Variants in DKK4 observed in about 807,000 individuals in gnomAD.
The protein encoded by DKK4 is dickkopf Wnt signaling pathway inhibitor 4, also known as dickkopf-related protein 4.
Under a neutral mutation model 14.5 loss-of-function variants are expected in DKK4, and 15 were observed. That is an observed-to-expected ratio of 1.03 (90% confidence interval 0.69 to 1.59). DKK4 has a LOEUF of 1.59. Among genes scored for constraint, DKK4 ranks in the 40% most tolerant of loss-of-function variants. DKK4 has a pLI of 0.00. For synonymous variants in DKK4, 89 were observed against 105.2 expected (o/e 0.85, Z 0.94); for missense variants, 272 against 280.3 (o/e 0.97, Z 0.21).
At chr8:42,379,927 G>A (rs1452185602), upstream of DKK4, among the ~76,000 whole-genome samples, 6 of 152,278 alleles carry the variant, frequency 3.9e-5, no homozygotes, top group East Asian at 3.9e-4. Flanking sequence ...GCCATGATCC[G>A]CTGGGTGCAG....
chr8:42,381,565 T>C (rs1172207780), upstream of DKK4, among the ~76,000 whole-genome samples: 1 of 152,112 alleles, frequency 6.6e-6, no homozygotes, highest in Non-Finnish European at 1.5e-5. Flanking sequence ...TGACAGAATG[T>C]GGGCTTTGGG....
At chr8:42,375,245 A>G (rs771113820) in intron 2 of DKK4, among the ~76,000 whole-genome samples, 85 of 152,348 alleles carry the variant, frequency 5.6e-4, no homozygotes, top group Admixed American at 4.6e-3. Flanking sequence ...ATTTTGTTTC[A>G]TTAAGAAAAG....
At chr8:42,382,225 T>C (rs1055306083), upstream of DKK4, among the ~76,000 whole-genome samples, 6 of 152,280 alleles carry the variant, frequency 3.9e-5, no homozygotes, top group African/African-American at 1.4e-4. Flanking sequence ...TGGAGGAAAG[T>C]AGGTATGTGA....
At chr8:42,387,399 C>A in the DKK4 span, among the ~76,000 whole-genome samples, 1 of 130,510 alleles carries the variant, frequency 7.7e-6, no homozygotes, top group Non-Finnish European at 1.6e-5. Context: ...CTCTTGTTGC[C>A]CAGGCTGGAG....
intron 3 of DKK4, among the ~76,000 whole-genome samples, chr8:42,374,560 C>T (rs986437096): frequency 6.6e-6 from 1 of 152,154 alleles, no homozygotes; most frequent in African/African-American, 2.4e-5. Flanking sequence ...CAGAATTGAT[C>T]GTTGTTACTG....
chr8:42,374,486 G>A, intron 3 of DKK4, 127 bp from the exon 4 acceptor site: 3 of 1,285,440 alleles, frequency 2.3e-6, no homozygotes, highest in South Asian at 1.3e-5. Flanking sequence ...ACAGCACGCA[G>A]GTCTCACAGA....
At chr8:42,378,591 G>A (rs186893854), upstream of DKK4, among the ~76,000 whole-genome samples, 21 of 152,186 alleles carry the variant, frequency 1.4e-4, no homozygotes, top group East Asian at 3.5e-3. Flanking sequence ...GTACAATTAT[G>A]ACCAAGGATA....
chr8:42,380,840 AAAT>A (rs1249547963), upstream of DKK4, among the ~76,000 whole-genome samples: 13 of 150,924 alleles, frequency 8.6e-5, no homozygotes, highest in South Asian at 1.5e-3. Flanking sequence ...AGGGAGGAAA[AAAT>A]AAATGAAAAA....
the DKK4 span, among the ~76,000 whole-genome samples, chr8:42,386,687 C>T: frequency 6.6e-6 from 1 of 152,112 alleles, no homozygotes. Context: ...GGGGGTCTCG[C>T]TATATTTTTC....
chr8:42,385,134 C>CT, the DKK4 span, among the ~76,000 whole-genome samples: 1 of 152,104 alleles, frequency 6.6e-6, no homozygotes, highest in Non-Finnish European at 1.5e-5. Flanking sequence ...GCCAGGCACT[C>CT]TAATTCCAGC....
chr8:42,390,517 C>A, the DKK4 span, among the ~76,000 whole-genome samples: 5 of 151,512 alleles, frequency 3.3e-5, no homozygotes, highest in African/African-American at 7.3e-5. Flanking sequence ...GCGCCCGCCA[C>A]CACGCCCGGC....
the DKK4 span, among the ~76,000 whole-genome samples, chr8:42,385,307 G>A: frequency 6.6e-6 from 1 of 152,026 alleles, no homozygotes; most frequent in Non-Finnish European, 1.5e-5. Context: ...CGGGAGGATC[G>A]CTTGAGCCTA....
the DKK4 span, among the ~76,000 whole-genome samples, chr8:42,388,554 CTTTTATTT>C: frequency 6.7e-6 from 1 of 149,972 alleles, no homozygotes; most frequent in Non-Finnish European, 1.5e-5. Context: ...TTCTTTTCTT[CTTTTATTT>C]AATTAATTAA....
upstream of DKK4, among the ~76,000 whole-genome samples, chr8:42,378,394 A>G (rs1368552073): frequency 1.3e-5 from 2 of 152,166 alleles, no homozygotes; most frequent in Admixed American, 6.6e-5. Context: ...ATGCAGTGCC[A>G]TTCCGAGGGT....
At chr8:42,389,974 G>A in the DKK4 span, among the ~76,000 whole-genome samples, 2 of 138,460 alleles carry the variant, frequency 1.4e-5, no homozygotes, top group South Asian at 4.4e-4. Context: ...TCACTGCAAC[G>A]TCCACCTCCG....
At chr8:42,385,697 A>G in the DKK4 span, among the ~76,000 whole-genome samples, 2 of 152,216 alleles carry the variant, frequency 1.3e-5, no homozygotes, top group East Asian at 1.9e-4. Context: ...TTCCAGGAGC[A>G]TTTCCCAATT....
chr8:42,374,450 C>G, intron 3 of DKK4, 91 bp from the exon 4 acceptor site: 1 of 1,516,320 alleles, frequency 6.6e-7, no homozygotes, highest in Admixed American at 2.0e-5. Context: ...GGACCTATGA[C>G]TGACAGCCAC....
intron 2 of DKK4, 117 bp downstream of exon 2, chr8:42,375,563 C>A: frequency 5.8e-6 from 7 of 1,205,058 alleles, no homozygotes; most frequent in South Asian, 1.6e-5. Flanking sequence ...CATACATTTA[C>A]TTCAAGCATG....
the DKK4 span, among the ~76,000 whole-genome samples, chr8:42,389,004 G>A: frequency 1.2e-4 from 19 of 152,258 alleles, no homozygotes; most frequent in East Asian, 7.7e-4. Context: ...GCGCAGTGGC[G>A]CAATCACAGC....
Sources: gnomAD v4.1 joint callset for allele counts (sites outside exome capture counted in the v4.1 genomes callset) on GRCh38, gnomAD v4.1.1 for gene constraint, MANE v1.5 for transcripts, NCBI Gene and HGNC (gene_info 2026-07-23, HGNC 2026-07-21) for gene names.